Variants in FGGY observed in about 807,000 individuals in gnomAD.
FGGY encodes FGGY carbohydrate kinase domain-containing protein.
In FGGY, 72 loss-of-function variants were observed where a neutral mutation model predicts 71.3. That is an observed-to-expected ratio of 1.01 (90% CI 0.84 to 1.23). The LOEUF (loss-of-function observed/expected upper bound fraction) is 1.23. Ranked by LOEUF, FGGY falls within the 50% of genes most tolerant of loss-of-function variation. The probability of loss-of-function intolerance (pLI) is 0.00; values close to 1 mark genes in which losing one functional copy is unlikely to be tolerated. For missense variants in FGGY, 668 were observed against 682.3 expected (o/e 0.98, Z 0.23); for synonymous variants, 251 against 250.3 (o/e 1.00, Z -0.02).
At chr1:59,410,453 A>G (rs893997131) in intron 5 of FGGY, among the ~76,000 whole-genome samples, 2 of 152,184 alleles carry the variant, frequency 1.3e-5, no homozygotes, top group Admixed American at 6.5e-5. Flanking sequence ...ATTTGAACCT[A>G]AGACCTCTTA....
chr1:59,683,063 T>C (rs2097517070), intron 14 of FGGY, among the ~76,000 whole-genome samples: 1 of 152,206 alleles, frequency 6.6e-6, no homozygotes, highest in Non-Finnish European at 1.5e-5. Flanking sequence ...ATAAAAACGC[T>C]GGAATCCCTT....
intron 6 of FGGY, among the ~76,000 whole-genome samples, chr1:59,486,587 G>A (rs1030000584): frequency 6.6e-6 from 1 of 152,128 alleles, no homozygotes; most frequent in Non-Finnish European, 1.5e-5. Context: ...AACACCGTCT[G>A]TGCTCCCCTG....
At chr1:59,749,125 C>T (rs1017614959) in intron 14 of FGGY, among the ~76,000 whole-genome samples, 3 of 152,210 alleles carry the variant, frequency 2.0e-5, no homozygotes, top group Non-Finnish European at 4.4e-5. Context: ...AAGCTCACTG[C>T]ACCACTGCAC....
chr1:59,751,759 C>A (rs532661459), intron 14 of FGGY, among the ~76,000 whole-genome samples: 8 of 152,264 alleles, frequency 5.3e-5, no homozygotes, highest in African/African-American at 1.7e-4. Context: ...ATATGAGGAG[C>A]TAGTACTGAG....
intron 14 of FGGY, among the ~76,000 whole-genome samples, chr1:59,694,397 G>A (rs1011659210): frequency 6.6e-6 from 1 of 152,034 alleles, no homozygotes; most frequent in Non-Finnish European, 1.5e-5. Context: ...AATACTTTTG[G>A]TCAGTTCGTG....
chr1:59,671,941 G>A (rs975263262), intron 13 of FGGY, among the ~76,000 whole-genome samples: 8 of 152,150 alleles, frequency 5.3e-5, no homozygotes, highest in Non-Finnish European at 1.2e-4. Context: ...TCTCTGGTTC[G>A]CAAGGGGAGG....
chr1:59,390,710 A>C (rs535074633), intron 5 of FGGY, among the ~76,000 whole-genome samples: 3 of 152,164 alleles, frequency 2.0e-5, no homozygotes, highest in Non-Finnish European at 4.4e-5. Flanking sequence ...GGGAGAATTG[A>C]TATGGGGTGG....
chr1:59,534,594 A>G (rs959018833), intron 7 of FGGY, among the ~76,000 whole-genome samples: 31 of 152,236 alleles, frequency 2.0e-4, no homozygotes, highest in African/African-American at 7.5e-4. Flanking sequence ...AGGTAGGGTT[A>G]TCCTCAAAGG....
intron 5 of FGGY, among the ~76,000 whole-genome samples, chr1:59,410,254 A>G (rs1450763170): frequency 1.3e-5 from 2 of 152,216 alleles, no homozygotes; most frequent in East Asian, 1.9e-4. Context: ...AACAATGATG[A>G]TGGATCTTGT....
chr1:59,376,745 G>A (rs2058703135), intron 4 of FGGY, among the ~76,000 whole-genome samples: 1 of 152,104 alleles, frequency 6.6e-6, no homozygotes, highest in Admixed American at 6.5e-5. Context: ...TTGCCTTTAG[G>A]TTCCCAGAGA....
intron 14 of FGGY, among the ~76,000 whole-genome samples, chr1:59,732,566 A>T (rs1890211): frequency 0.015 from 2,274 of 152,128 alleles, 59 homozygotes; most frequent in African/African-American, 0.053. Flanking sequence ...GTTGTGGCAA[A>T]CTGAGCAGGG....
chr1:59,345,441 T>C (rs1012754716), intron 3 of FGGY, among the ~76,000 whole-genome samples: 3 of 151,096 alleles, frequency 2.0e-5, no homozygotes, highest in Admixed American at 2.0e-4. Flanking sequence ...AGTTACTGTG[T>C]GGACTACAGG....
At chr1:59,666,736 A>G (rs1251337085) in intron 12 of FGGY, among the ~76,000 whole-genome samples, 1 of 152,158 alleles carries the variant, frequency 6.6e-6, no homozygotes, top group Non-Finnish European at 1.5e-5. Context: ...AGCAGCGGTA[A>G]TTTTAGCCCT....
At chr1:59,654,703 T>C (rs1478405645) in intron 11 of FGGY, among the ~76,000 whole-genome samples, 7 of 152,170 alleles carry the variant, frequency 4.6e-5, no homozygotes, top group Non-Finnish European at 8.8e-5. Context: ...CACAATTTAT[T>C]GTGCATTAGG....
chr1:59,628,428 G>A (rs946095878), intron 10 of FGGY, among the ~76,000 whole-genome samples: 2 of 152,156 alleles, frequency 1.3e-5, no homozygotes, highest in African/African-American at 4.8e-5. Flanking sequence ...GTCCTAGATT[G>A]GAGGAGACTT....
At chr1:59,467,890 T>A (rs1442101606) in intron 6 of FGGY, among the ~76,000 whole-genome samples, 1 of 144,878 alleles carries the variant, frequency 6.9e-6, no homozygotes, top group African/African-American at 2.5e-5. Context: ...CTTTCTTGTT[T>A]TTTTTGTTTT....
intron 11 of FGGY, among the ~76,000 whole-genome samples, chr1:59,654,249 G>T (rs145506693): frequency 1.3e-5 from 2 of 152,300 alleles, no homozygotes; most frequent in East Asian, 1.9e-4. Flanking sequence ...TTCCAAGCGG[G>T]TGATTATCTC....
intron 14 of FGGY, 73 bp downstream of exon 14, chr1:59,674,206 G>C (rs898930950): frequency 8.8e-7 from 1 of 1,131,672 alleles, no homozygotes; most frequent in Non-Finnish European, 1.3e-6. Flanking sequence ...ACAGCAGCTC[G>C]CATTTTACAA....
intron 8 of FGGY, among the ~76,000 whole-genome samples, chr1:59,563,297 T>C (rs752868406): frequency 7.9e-5 from 12 of 152,228 alleles, no homozygotes; most frequent in Non-Finnish European, 1.8e-4. Context: ...TGGATTGTTT[T>C]TAGCATGAAG....
Sources: gnomAD v4.1 joint callset for allele counts (sites outside exome capture counted in the v4.1 genomes callset) on GRCh38, gnomAD v4.1.1 for gene constraint, MANE v1.5 for transcripts, NCBI Gene and HGNC (gene_info 2026-07-23, HGNC 2026-07-21) for gene names.